ADARB2: variants seen among roughly 807,000 people sequenced by gnomAD.
ADARB2 encodes inactive double-stranded RNA-specific editase B2.
In ADARB2, 25 loss-of-function variants were observed where a neutral mutation model predicts 62.2. The observed-to-expected ratio is 0.40, with a 90% CI of 0.29 to 0.56. The LOEUF (loss-of-function observed/expected upper bound fraction) is 0.56. Among genes scored for constraint, ADARB2 ranks in the 20% least tolerant of loss-of-function variants. ADARB2 has a pLI of 0.43. For missense variants in ADARB2, 1,071 were observed against 1,077.4 expected (o/e 0.99, Z 0.08); for synonymous variants, 572 against 500.8 (o/e 1.14, Z -1.90).
chr10:1,387,368 T>C (rs1479005171), intron 1 of ADARB2, among the ~76,000 whole-genome samples: 1 of 151,856 alleles, frequency 6.6e-6, no homozygotes, highest in Non-Finnish European at 1.5e-5. Context: ...GTTAGATTAA[T>C]CATGAAAAAG....
chr10:1,690,787 C>G lies in ADARB2; in HGVS notation c.100+46264G>C, dbSNP rs541745548. On this transcript the variant is annotated intron_variant, in intron 1 of 9. Transcript: ENST00000381312. ...GCCGGCCCTTCCTGTCACCCCCTCC[C>G]CAGCCTGCATGCACACTGTCATTCG... Among the ~76,000 whole-genome samples, 18 of 152,324 alleles carry G rather than the reference C, an allele frequency of 1.2e-4. No individual in the cohort carries two copies. In the South Asian group the frequency reaches 3.3e-3, roughly 28 times the overall value.
chr10:1,206,529 TCTC>T (rs1393410926), intron 7 of ADARB2, among the ~76,000 whole-genome samples: 1 of 151,372 alleles, frequency 6.6e-6, no homozygotes, highest in East Asian at 1.9e-4. Flanking sequence ...AACTGCGGGG[TCTC>T]CTCCTCGTGC....
At chr10:1,433,976 G>C (rs1830805175) in intron 1 of ADARB2, among the ~76,000 whole-genome samples, 4 of 152,162 alleles carry the variant, frequency 2.6e-5, no homozygotes, top group Admixed American at 2.6e-4. Context: ...GGTATCATTT[G>C]ACAAGTTGGT....
intron 7 of ADARB2, chr10:1,215,895 T>A (rs1837225529): frequency 6.7e-6 from 1 of 148,168 alleles, no homozygotes; most frequent in Non-Finnish European, 1.5e-5. Flanking sequence ...GGGCTTCAGA[T>A]CAACGTTGGG....
Position 1,498,244 on chromosome 10 carries a change from G to A in ADARB2, c.101-119084C>T, listed in dbSNP as rs568077092. 9.2e-5 allele frequency among the ~76,000 whole-genome samples: 14 copies of A among 152,118 alleles called. No homozygotes were observed. In the South Asian group the frequency reaches 2.9e-3, roughly 32 times the overall value. On this transcript the variant is annotated intron_variant, in intron 1 of 9. Transcript: ENST00000381312. ...AAAAAATTGGCCAGGCATGGTGGCA[G>A]ATGCCTGTAATCCCAGCTACTTTGG...
intron 1 of ADARB2, among the ~76,000 whole-genome samples, chr10:1,645,293 AGGTGT>A (rs1163444644): frequency 6.6e-6 from 1 of 152,212 alleles, no homozygotes; most frequent in Admixed American, 6.5e-5. Context: ...CTAAAGCCTT[AGGTGT>A]GGCAGAATCC....
chr10:1,294,172 A>G (rs1252000472), intron 3 of ADARB2, among the ~76,000 whole-genome samples: 3 of 152,186 alleles, frequency 2.0e-5, no homozygotes, highest in Non-Finnish European at 4.4e-5. Flanking sequence ...CTTTTCCACC[A>G]TTGAAGATGA....
chr10:1,669,401 AAC>A (rs1313493037), intron 1 of ADARB2, among the ~76,000 whole-genome samples: 1 of 152,162 alleles, frequency 6.6e-6, no homozygotes, highest in Non-Finnish European at 1.5e-5. Flanking sequence ...GCACACACAT[AAC>A]ACATAGAGAC....
At chr10:1,533,484 T>G (rs1832276415) in intron 1 of ADARB2, among the ~76,000 whole-genome samples, 2 of 152,104 alleles carry the variant, frequency 1.3e-5, no homozygotes, top group South Asian at 4.1e-4. Flanking sequence ...ACCCTGGCAT[T>G]GCCACGTGCG....
chr10:1,193,680 G>C (rs1343381704), intron 8 of ADARB2, among the ~76,000 whole-genome samples: 2 of 152,180 alleles, frequency 1.3e-5, no homozygotes, highest in African/African-American at 4.8e-5. Flanking sequence ...GTCTGCAAAC[G>C]CTGTCTCACC....
chr10:1,635,632 C>T (rs927692680), intron 1 of ADARB2, among the ~76,000 whole-genome samples: 4 of 152,200 alleles, frequency 2.6e-5, no homozygotes, highest in Non-Finnish European at 5.9e-5. Flanking sequence ...AGGTTCAAAG[C>T]TCTCCCACTG....
rs142849828 is a variant in ADARB2 at position 1,499,058 on chromosome 10, A to G, written c.101-119898T>C. 4.6e-3 allele frequency among the ~76,000 whole-genome samples: 673 copies of G among 147,078 alleles called. 6 individuals carry two copies. The highest frequency in any genetic ancestry group is 0.016 in the African/African-American group (646 of 40,624). On this transcript the variant is annotated intron_variant, in intron 1 of 9. Transcript: ENST00000381312. The stretch of plus-strand genomic sequence containing the variant: ...ATCATTCACTCATTACTCGTCATTC[A>G]CTCATTACTCTTCATTAATCATTCA...
At chr10:1,397,513 CTCCTCTCCCCTCCCG>C (rs1337671563) in intron 1 of ADARB2, among the ~76,000 whole-genome samples, 1 of 37,824 alleles carries the variant, frequency 2.6e-5, no homozygotes, top group African/African-American at 1.6e-4. Context: ...GGTCACCGTC[CTCCTCTCCCCTCCCG>C]AGTGGAGGCT....
intron 1 of ADARB2, among the ~76,000 whole-genome samples, chr10:1,569,092 C>T (rs556052134): frequency 2.7e-5 from 4 of 150,316 alleles, no homozygotes; most frequent in African/African-American, 9.8e-5. Flanking sequence ...CAGAGACAGA[C>T]AGAGAGAGAC....
chr10:1,616,424 A>G (rs1299490619), intron 1 of ADARB2, among the ~76,000 whole-genome samples: 1 of 151,830 alleles, frequency 6.6e-6, no homozygotes, highest in Non-Finnish European at 1.5e-5. Flanking sequence ...AACTGGCCTC[A>G]GAGGGTTGCA....
intron 3 of ADARB2, among the ~76,000 whole-genome samples, chr10:1,281,449 C>T (rs762772438): frequency 6.6e-6 from 1 of 152,336 alleles, no homozygotes; most frequent in Non-Finnish European, 1.5e-5. Flanking sequence ...AAGCACCATG[C>T]GCTTATATGC....
intron 1 of ADARB2, among the ~76,000 whole-genome samples, chr10:1,698,097 C>T (rs1554734119): frequency 7.2e-5 from 11 of 152,216 alleles, no homozygotes. Flanking sequence ...CTCCCACTGC[C>T]CTCTCTGGCT....
intron 1 of ADARB2, among the ~76,000 whole-genome samples, chr10:1,536,757 C>T (rs10903473): frequency 0.37 from 56,392 of 151,926 alleles, 10,900 homozygotes; most frequent in East Asian, 0.74. Context: ...ACTGGCCAGC[C>T]GCAAGCAGAA....
chr10:1,646,723 C>T (rs905120649), intron 1 of ADARB2, among the ~76,000 whole-genome samples: 2 of 152,374 alleles, frequency 1.3e-5, no homozygotes, highest in South Asian at 2.1e-4. Flanking sequence ...AGACAACTCT[C>T]TCCCTTTTTG....
Sources: allele counts gnomAD v4.1 joint callset (sites outside exome capture counted in the v4.1 genomes callset), GRCh38; gene constraint gnomAD v4.1.1; transcripts MANE v1.5; gene names NCBI Gene and HGNC (gene_info 2026-07-23, HGNC 2026-07-21).